Variants in MAP2 observed in about 807,000 individuals in gnomAD.
MAP2 encodes the protein microtubule-associated protein 2.
In MAP2, 14 loss-of-function variants were observed where a neutral mutation model predicts 137.6. That is an observed-to-expected ratio of 0.10 (90% CI 0.07 to 0.16). MAP2 has a LOEUF of 0.16. Ranked by LOEUF, MAP2 falls within the 10% of genes least tolerant of loss-of-function variation. MAP2 has a pLI of 1.00. For missense variants in MAP2, 2,088 were observed against 2,191.5 expected, an observed-to-expected ratio of 0.95 and a Z score of 0.94; for synonymous variants, 786 against 782.3, an observed-to-expected ratio of 1.00 and a Z score of -0.08.
In MAP2 at chr2:209,694,017, G is replaced by T. The variant is rs375864756; in HGVS notation, c.1847G>T (p.Gly616Val). ...ACCATGTCTCCCATGCATAAAAATG[G>T]TGACAAGGAGTTTCAAACAGGAAAA... is the stretch of plus-strand genomic sequence containing the variant. ...IDTMSPMHKN[G>V]DKEFQTGKES... Residue 616 changes from glycine (G) to valine (V), a missense_variant, in exon 8 of 16, where the codon GGT (glycine) becomes GTT (valine). Gly to Val is a moderately radical substitution (Grantham distance 109). This residue lies in a region of MAP2 where 859 missense variants were observed against 794.5 expected (regional missense o/e 1.08). Coordinates refer to ENST00000682079, the MANE Select transcript of MAP2 (RefSeq NM_001375505.1). 6 of 1,613,810 alleles carry T rather than the reference G, an allele frequency of 3.7e-6. No homozygotes were observed. Among genetic ancestry groups the T allele is most frequent in the Admixed American group, 3.3e-5 (2 of 59,980 alleles).
chr2:209,582,432 A>C (rs2076641860), intron 3 of MAP2, among the ~76,000 whole-genome samples: 1 of 152,170 alleles, frequency 6.6e-6, no homozygotes, highest in Non-Finnish European at 1.5e-5. Context: ...TGGGGGAAAT[A>C]TGCCAAACTG....
chr2:209,722,348 G>A (rs2071478837), intron 13 of MAP2, among the ~76,000 whole-genome samples: 1 of 152,144 alleles, frequency 6.6e-6, no homozygotes, highest in South Asian at 2.1e-4. Flanking sequence ...ATTAAGCTTT[G>A]CCTAGTTAAA....
intron 2 of MAP2, among the ~76,000 whole-genome samples, chr2:209,521,559 T>TA (rs1052367934): frequency 1.4e-4 from 21 of 147,540 alleles, no homozygotes; most frequent in South Asian, 6.4e-4. Context: ...TAATCTTATT[T>TA]AAAAAAAAAA....
chr2:209,722,640 TTA>T (rs368607981), intron 13 of MAP2, among the ~76,000 whole-genome samples: 5 of 152,196 alleles, frequency 3.3e-5, no homozygotes, highest in Non-Finnish European at 7.3e-5. Flanking sequence ...CTTATATTGC[TTA>T]TGTGTCCTCC....
At chr2:209,674,126 T>C (rs2050160340) in intron 5 of MAP2, among the ~76,000 whole-genome samples, 1 of 151,812 alleles carries the variant, frequency 6.6e-6, no homozygotes, top group South Asian at 2.1e-4. Context: ...ATACTTCCCT[T>C]GTCCATTAAC....
Position 209,696,614 on chromosome 2 carries a change from G to A in MAP2, c.4253G>A (p.Arg1418Gln), listed in dbSNP as rs778569887. The part of the protein sequence containing the change: ...PKEEKAEKEA[R>Q]RSSLEKHRKE... ...GAGGAGAAAGCTGAAAAGGAAGCTC[G>A]GAGATCATCTCTTGAGAAACATAGA... Residue 1418 changes from arginine to glutamine, a missense_variant, in exon 9 of 16, where the codon CGG becomes CAG. Coordinates refer to ENST00000682079, the MANE Select transcript of MAP2 (RefSeq NM_001375505.1). The A allele has an allele frequency of 2.1e-5, 34 of 1,613,646 alleles. No individual in the cohort carries two copies. The highest frequency in any genetic ancestry group is 1.6e-4 in the Middle Eastern group (1 of 6,080).
intron 3 of MAP2, among the ~76,000 whole-genome samples, chr2:209,592,454 G>T (rs1223508772): frequency 6.6e-6 from 1 of 152,080 alleles, no homozygotes; most frequent in Non-Finnish European, 1.5e-5. Flanking sequence ...GGAGCTCCTT[G>T]TGAAAGGCAT....
chr2:209,613,606 A>G (rs1487090118), intron 3 of MAP2, among the ~76,000 whole-genome samples: 1 of 146,432 alleles, frequency 6.8e-6, no homozygotes, highest in Non-Finnish European at 1.5e-5. Flanking sequence ...CTAGCGGAGA[A>G]GAGCTCTACA....
In MAP2 at chr2:209,693,806, A is replaced by T; in HGVS notation, c.1636A>T (p.Lys546Ter). The change falls in exon 8 of 16, where the codon AAG becomes TAG. Residue 546 changes from lysine to a stop codon, truncating the protein, a stop_gained. Transcript: ENST00000682079. LOFTEE classifies it high-confidence loss of function. ...TGAAATGAGAGTTGATGACAAAGAT[A>T]AGATTGAAGGAGTTGGAGCTGCAAC... ...LFEMRVDDKD[K>*]IEGVGAATSA... The T allele has an allele frequency of 6.2e-7, 1 of 1,614,090 alleles. No individual in the cohort carries two copies. The highest frequency in any genetic ancestry group is 8.5e-7 in the Non-Finnish European group (1 of 1,179,988).
chr2:209,430,929 CAGA>C (rs367583581), intron 1 of MAP2, among the ~76,000 whole-genome samples: 7,852 of 152,270 alleles, frequency 0.052, 307 homozygotes, highest in East Asian at 0.19. Flanking sequence ...CACTGTATCT[CAGA>C]CTAAAGTTTT....
At chr2:209,549,227 A>G (rs1340238568) in intron 2 of MAP2, among the ~76,000 whole-genome samples, 1 of 152,146 alleles carries the variant, frequency 6.6e-6, no homozygotes, top group Non-Finnish European at 1.5e-5. Context: ...GCTATCACTA[A>G]ACCTATCACT....
chr2:209,495,327 G>A (rs1005587511), intron 1 of MAP2, among the ~76,000 whole-genome samples: 4 of 152,246 alleles, frequency 2.6e-5, no homozygotes, highest in East Asian at 1.9e-4. Context: ...CACAGTGCTC[G>A]AGCTCTGCTA....
intron 3 of MAP2, among the ~76,000 whole-genome samples, chr2:209,618,486 A>G (rs992249527): frequency 2.6e-5 from 4 of 152,178 alleles, no homozygotes; most frequent in African/African-American, 4.8e-5. Flanking sequence ...GTCTTACGAC[A>G]ACATGTGAAC....
At chr2:209,573,653 C>T (rs1254340839) in intron 2 of MAP2, among the ~76,000 whole-genome samples, 1 of 152,096 alleles carries the variant, frequency 6.6e-6, no homozygotes, top group African/African-American at 2.4e-5. Flanking sequence ...ATGAAATTCA[C>T]TCGTATACAA....
intron 13 of MAP2, 72 bp from the exon 14 acceptor site, chr2:209,725,637 G>T: frequency 1.1e-6 from 1 of 922,726 alleles, no homozygotes; most frequent in Admixed American, 2.9e-5. Context: ...TGTGTTTCTA[G>T]ATCTTATGTA....
chr2:209,488,186 G>A (rs1254402148), intron 1 of MAP2, among the ~76,000 whole-genome samples: 1 of 152,162 alleles, frequency 6.6e-6, no homozygotes, highest in Non-Finnish European at 1.5e-5. Flanking sequence ...GAGGGGTCAG[G>A]GAACTCCTTC....
At chr2:209,450,142 A>G (rs111660019) in intron 1 of MAP2, among the ~76,000 whole-genome samples, 10,683 of 152,150 alleles carry the variant, frequency 0.07, 473 homozygotes, top group Middle Eastern at 0.1. Flanking sequence ...GGGTTTCACC[A>G]TGTTGCCCAG....
chr2:209,562,087 A>ATTGATGTTCCCCAAATTAACAGTGC (rs1559322761), intron 2 of MAP2, among the ~76,000 whole-genome samples: 18 of 152,212 alleles, frequency 1.2e-4, no homozygotes. Flanking sequence ...TGAAAGATAT[A>ATTGATGTTCCCCAAATTAACAGTGC]TTGATGTTCC....
chr2:209,476,160 C>T (rs959127968), intron 1 of MAP2, among the ~76,000 whole-genome samples: 1 of 151,942 alleles, frequency 6.6e-6, no homozygotes, highest in African/African-American at 2.4e-5. Flanking sequence ...GAATTTTAAG[C>T]CAAAGCCTTC....
Sources: allele counts gnomAD v4.1 joint callset (sites outside exome capture counted in the v4.1 genomes callset), GRCh38; gene constraint gnomAD v4.1.1; regional missense constraint gnomAD v4.1.1; transcripts MANE v1.5; gene names NCBI Gene and HGNC (gene_info 2026-07-23, HGNC 2026-07-21).